Variants in CCSER1 observed in about 807,000 individuals in gnomAD.
CCSER1 encodes coiled-coil serine rich protein 1, also known as serine-rich coiled-coil domain-containing protein 1.
CCSER1 carries 41 observed loss-of-function variants against 82.0 expected under a neutral mutation model. That is an observed-to-expected ratio of 0.50 (90% CI 0.39 to 0.65). CCSER1 has a LOEUF of 0.65. Among genes scored for constraint, CCSER1 ranks in the 30% least tolerant of loss-of-function variants. CCSER1 has a pLI of 0.00. For missense variants in CCSER1, 1,119 were observed against 1,064.2 expected (o/e 1.05, Z -0.72); for synonymous variants, 414 against 383.9 (o/e 1.08, Z -0.92).
intron 9 of CCSER1, among the ~76,000 whole-genome samples, chr4:90,959,783 T>C (rs1733886514): frequency 6.7e-6 from 1 of 150,178 alleles, no homozygotes; most frequent in Admixed American, 6.7e-5. Flanking sequence ...CAATTTGCCT[T>C]CTTTGCCTAT....
chr4:90,630,275 A>T (rs1579583799), intron 6 of CCSER1, among the ~76,000 whole-genome samples: 1 of 152,222 alleles, frequency 6.6e-6, no homozygotes, highest in East Asian at 1.9e-4. Flanking sequence ...AGAAGATACT[A>T]GTCTCAACTA....
chr4:91,151,633 A>G (rs1016011371), intron 10 of CCSER1, among the ~76,000 whole-genome samples: 8 of 152,194 alleles, frequency 5.3e-5, no homozygotes, highest in Admixed American at 1.3e-4. Flanking sequence ...TTCCCTCTAC[A>G]CACTGCTTTA....
chr4:90,424,228 T>C (rs1560497703), intron 4 of CCSER1, among the ~76,000 whole-genome samples: 1 of 152,146 alleles, frequency 6.6e-6, no homozygotes, highest in Non-Finnish European at 1.5e-5. Context: ...TTGCAAGTAA[T>C]GCTGTCTTAG....
At chr4:90,957,098 CTTTTTT>C (rs1215668480) in intron 9 of CCSER1, among the ~76,000 whole-genome samples, 2 of 86,680 alleles carry the variant, frequency 2.3e-5, no homozygotes, top group Non-Finnish European at 4.7e-5. Flanking sequence ...TCTTTCTTTC[CTTTTTT>C]TTTTTTTTTT....
chr4:90,371,546 G>GA (rs139341621), intron 3 of CCSER1, among the ~76,000 whole-genome samples: 55,380 of 150,728 alleles, frequency 0.37, 10,659 homozygotes, highest in African/African-American at 0.48. Flanking sequence ...ATAAGCCAAA[G>GA]AAAAAAAACA....
At chr4:90,550,759 A>G (rs1777369317) in intron 5 of CCSER1, among the ~76,000 whole-genome samples, 1 of 151,986 alleles carries the variant, frequency 6.6e-6, no homozygotes, top group Non-Finnish European at 1.5e-5. Flanking sequence ...AATATATACG[A>G]CTTTTATTTG....
At chr4:90,640,358 G>A (rs1726262544) in intron 6 of CCSER1, among the ~76,000 whole-genome samples, 1 of 152,082 alleles carries the variant, frequency 6.6e-6, no homozygotes, top group Admixed American at 6.6e-5. Flanking sequence ...AGCTTTTAAA[G>A]TAAGACATGT....
At chr4:90,780,296 G>T in intron 7 of CCSER1, 1 of 858,848 alleles carries the variant, frequency 1.2e-6, no homozygotes, top group Middle Eastern at 3.0e-4. Flanking sequence ...AAAAAAGTAA[G>T]TCTAAACATT....
chr4:91,290,596 T>C (rs186007605), intron 10 of CCSER1, among the ~76,000 whole-genome samples: 1 of 152,128 alleles, frequency 6.6e-6, no homozygotes, highest in East Asian at 1.9e-4. Context: ...ATATGAATGA[T>C]CTAGTACTTC....
chr4:91,373,052 A>G (rs527479255), intron 10 of CCSER1, among the ~76,000 whole-genome samples: 1 of 152,044 alleles, frequency 6.6e-6, no homozygotes, highest in Non-Finnish European at 1.5e-5. Flanking sequence ...TTTGACCTGC[A>G]GGCAGAAACA....
At chr4:90,453,229 T>A (rs1025350387) in intron 4 of CCSER1, among the ~76,000 whole-genome samples, 3 of 152,114 alleles carry the variant, frequency 2.0e-5, no homozygotes, top group Non-Finnish European at 4.4e-5. Context: ...ATCTTTTAGA[T>A]CCAGGACTGT....
intron 9 of CCSER1, among the ~76,000 whole-genome samples, chr4:90,978,038 A>T (rs1351800506): frequency 1.3e-5 from 2 of 151,620 alleles, no homozygotes; most frequent in Non-Finnish European, 2.9e-5. Context: ...TACATCTAAT[A>T]CAGGAAACAT....
intron 9 of CCSER1, among the ~76,000 whole-genome samples, chr4:90,998,818 T>A (rs1222567322): frequency 6.6e-6 from 1 of 152,034 alleles, no homozygotes; most frequent in East Asian, 1.9e-4. Flanking sequence ...GGGGTATGAA[T>A]GATCCCATCA....
chr4:90,924,364 T>G, intron 9 of CCSER1, among the ~76,000 whole-genome samples: 1 of 152,140 alleles, frequency 6.6e-6, no homozygotes, highest in African/African-American at 2.4e-5. Flanking sequence ...TACATTAATT[T>G]AATATAAAAC....
At chr4:91,157,795 A>C (rs896597993) in intron 10 of CCSER1, among the ~76,000 whole-genome samples, 2 of 151,986 alleles carry the variant, frequency 1.3e-5, no homozygotes, top group Non-Finnish European at 2.9e-5. Context: ...TCTCCTTTAC[A>C]GGTAGCATAA....
chr4:91,001,289 G>A lies in CCSER1; in HGVS notation c.2172+77842G>A, dbSNP rs536340770. On this transcript the variant is annotated intron_variant, in intron 9 of 10. Transcript: ENST00000509176. ...GATCATGATAAATTAACTTTTTGAT[G>A]TACTGTGGAATTTAGTTTCCTAATA... Among the ~76,000 whole-genome samples the A allele has an allele frequency of 2.6e-5, 4 of 152,150 alleles. No homozygotes were observed. In the South Asian group the frequency reaches 8.3e-4, roughly 32 times the overall value.
intron 10 of CCSER1, among the ~76,000 whole-genome samples, chr4:91,452,133 T>C (rs1169970575): frequency 6.6e-6 from 1 of 151,732 alleles, no homozygotes; most frequent in Non-Finnish European, 1.5e-5. Flanking sequence ...ATGGCAGGAG[T>C]CTCAGAAATG....
In CCSER1 at chr4:91,584,727, T is replaced by C. The variant is rs115386440; in HGVS notation, c.2218-13845T>C. The stretch of plus-strand genomic sequence containing the variant: ...AATTAAAATTGATTTGAAGTCTATA[T>C]ATTTTTCTTCAGGTTTTATTTGTAT... On this transcript the variant is annotated intron_variant, in intron 10 of 10. Transcript: ENST00000509176. 3.0e-4 allele frequency among the ~76,000 whole-genome samples: 45 copies of C among 151,648 alleles called. No homozygotes were observed. The East Asian group carries it at 8.3e-3, about 28-fold the overall frequency.
chr4:90,804,915 G>T (rs1158188013), intron 7 of CCSER1, among the ~76,000 whole-genome samples: 1 of 152,040 alleles, frequency 6.6e-6, no homozygotes, highest in African/African-American at 2.4e-5. Context: ...TATATCATAA[G>T]AACATAAATA....
Sources: gnomAD v4.1 joint callset for allele counts (sites outside exome capture counted in the v4.1 genomes callset) on GRCh38, gnomAD v4.1.1 for gene constraint, MANE v1.5 for transcripts, NCBI Gene and HGNC (gene_info 2026-07-23, HGNC 2026-07-21) for gene names.